TTLL6: variants seen among roughly 807,000 people sequenced by gnomAD.
The protein encoded by TTLL6 is tubulin tyrosine ligase like 6.
In TTLL6, 75 loss-of-function variants were observed where a neutral mutation model predicts 96.4. That is an observed-to-expected ratio of 0.78 (90% CI 0.65 to 0.94). TTLL6 has a LOEUF of 0.94. TTLL6 is among the 40% of genes least tolerant of loss of function. TTLL6 has a pLI of 0.00. For synonymous variants in TTLL6, 411 were observed against 419.4 expected (o/e 0.98, Z 0.24); for missense variants, 1,030 against 1,093.0 (o/e 0.94, Z 0.81).
intron 1 of TTLL6, among the ~76,000 whole-genome samples, chr17:48,807,070 A>T (rs2039515815): frequency 6.6e-6 from 1 of 151,940 alleles, no homozygotes; most frequent in Non-Finnish European, 1.5e-5. Context: ...AAAAATAAAA[A>T]TAATTTCTTT....
intron 8 of TTLL6, among the ~76,000 whole-genome samples, chr17:48,795,348 A>G (rs2039298492): frequency 6.6e-6 from 1 of 151,856 alleles, no homozygotes; most frequent in Admixed American, 6.6e-5. Context: ...AAAAAAGAAA[A>G]GAAAAGAAAA....
At chr17:48,801,729 C>A in intron 3 of TTLL6, 86 bp from the exon 4 acceptor site, 1 of 1,153,230 alleles carries the variant, frequency 8.7e-7, no homozygotes, top group Non-Finnish European at 1.2e-6. Context: ...GCTCCCAGAC[C>A]AAGTACTGAA....
chr17:48,808,134 G>A (rs1382906064), intron 1 of TTLL6, among the ~76,000 whole-genome samples: 1 of 152,170 alleles, frequency 6.6e-6, no homozygotes, highest in African/African-American at 2.4e-5. Flanking sequence ...CACCGCGCCC[G>A]GCCATTTCTA....
At chr17:48,786,413 C>A in intron 11 of TTLL6, 78 bp from the exon 12 acceptor site, 1 of 1,568,942 alleles carries the variant, frequency 6.4e-7, no homozygotes, top group Non-Finnish European at 8.7e-7. Flanking sequence ...GAGGGATGGA[C>A]ATGACTGGGC....
rs753077737 is a variant in TTLL6, at chr17:48,774,230, G to GTTTTTTTTTTTT, written c.2041-4134_2041-4133insAAAAAAAAAAAA. Among the ~76,000 whole-genome samples, 10 of 117,742 alleles carry GTTTTTTTTTTTT rather than the reference G, an allele frequency of 8.5e-5. 2 individuals carry two copies. Among genetic ancestry groups the GTTTTTTTTTTTT allele is most frequent in the Admixed American group, 2.2e-4 (2 of 9,068 alleles). The allele number at this position is 117,742 out of a possible 152,430, so 77.2% of individuals were successfully genotyped here. A position where few individuals can be genotyped will look rare whatever the true frequency, so the allele number is the denominator to read the frequency against. On this transcript the variant is annotated intron_variant, in intron 13 of 15. Transcript: ENST00000393382. ...CTCAATGAAACCAAAATCCAGGTTT[G>GTTTTTTTTTTTT]TTGTTTTTTTTTTTTTTTTTTTGAG...
rs778385928 is a variant in TTLL6, at chr17:48,797,107, G to A, written c.866C>T (p.Ala289Val). The A allele has an allele frequency of 2.6e-6, 4 of 1,551,502 alleles. No individual in the cohort carries two copies. The Admixed American group carries it at 5.9e-5, about 23-fold the overall frequency. The change falls in exon 7 of 16, where the codon GCC becomes GTC. Residue 289 changes from alanine (A) to valine (V), a missense_variant. Ala to Val is a moderately conservative substitution (Grantham distance 64). Transcript: ENST00000393382. ...GGAGTAAGAGGTCGTCGCAAAGCGG[G>A]CCAGTCCTTCATTGTACACAAAAAT... ...LRIFVYNEGL[A>V]RFATTSYSRP...
At chr17:48,792,003 A>G (rs1438627552) in intron 8 of TTLL6, among the ~76,000 whole-genome samples, 1 of 152,168 alleles carries the variant, frequency 6.6e-6, no homozygotes, top group Non-Finnish European at 1.5e-5. Context: ...GCCTTTTAAG[A>G]ACACTGATGC....
At chr17:48,785,515 A>C (rs1394328669) in intron 12 of TTLL6, among the ~76,000 whole-genome samples, 1 of 152,184 alleles carries the variant, frequency 6.6e-6, no homozygotes, top group Non-Finnish European at 1.5e-5. Context: ...GAATAATACG[A>C]AACAAAAATC....
At chr17:48,801,205 G>A (rs1332400902) in intron 5 of TTLL6, 50 bp downstream of exon 5, 2 of 1,520,750 alleles carry the variant, frequency 1.3e-6, no homozygotes, top group Non-Finnish European at 1.8e-6. Context: ...AAGAGGAAAT[G>A]TAAATGGGGA....
At chr17:48,782,336 G>T (rs944785141) in intron 13 of TTLL6, among the ~76,000 whole-genome samples, 1 of 151,988 alleles carries the variant, frequency 6.6e-6, no homozygotes, top group Non-Finnish European at 1.5e-5. Context: ...TGTATTTTTA[G>T]TAGAATTGGG....
intron 1 of TTLL6, among the ~76,000 whole-genome samples, chr17:48,805,601 T>A (rs1370788894): frequency 2.0e-5 from 3 of 152,022 alleles, no homozygotes; most frequent in Non-Finnish European, 4.4e-5. Context: ...CAAGATCAAA[T>A]TATAAAATAC....
intron 1 of TTLL6, 97 bp downstream of exon 1, chr17:48,816,873 G>C: frequency 1.1e-6 from 1 of 909,668 alleles, no homozygotes; most frequent in South Asian, 1.9e-5. Flanking sequence ...CCTGGGTCCC[G>C]TGTGGGTTTA....
At chr17:48,767,785 T>G (rs2038645471) in intron 15 of TTLL6, among the ~76,000 whole-genome samples, 3 of 152,168 alleles carry the variant, frequency 2.0e-5, no homozygotes, top group Admixed American at 2.0e-4. Flanking sequence ...TACCATCTCC[T>G]GGGGCCTTTT....
Sources: allele counts gnomAD v4.1 joint callset (sites outside exome capture counted in the v4.1 genomes callset), GRCh38; gene constraint gnomAD v4.1.1; transcripts MANE v1.5; gene names NCBI Gene and HGNC (gene_info 2026-07-23, HGNC 2026-07-21).